Variants in NEGR1 observed in about 807,000 individuals in gnomAD.
NEGR1 encodes the protein neuronal growth regulator 1, also known as IgLON family member 4.
In NEGR1, 10 loss-of-function variants were observed where a neutral mutation model predicts 40.9. The ratio of observed to expected loss-of-function variants is 0.24; its 90% CI spans 0.15 to 0.42. The LOEUF (loss-of-function observed/expected upper bound fraction) is 0.42, where lower values mean the gene tolerates loss of function less well. NEGR1 is among the 10% of genes least tolerant of loss of function. NEGR1 has a pLI of 1.00. For missense variants in NEGR1, 352 were observed against 438.9 expected (o/e 0.80, Z 1.77); for synonymous variants, 185 against 166.8 (o/e 1.11, Z -0.84).
intron 4 of NEGR1, among the ~76,000 whole-genome samples, chr1:71,637,718 AAG>A (rs1439301917): frequency 1.3e-5 from 2 of 151,946 alleles, no homozygotes; most frequent in African/African-American, 4.8e-5. Context: ...AAAGTATAAA[AAG>A]AAAAGAAAGA....
At chr1:72,041,544 C>T (rs1160196566) in intron 1 of NEGR1, among the ~76,000 whole-genome samples, 1 of 150,492 alleles carries the variant, frequency 6.6e-6, no homozygotes, top group Non-Finnish European at 1.5e-5. Context: ...TTAACAACTG[C>T]ACCCCCACAA....
At chr1:72,140,710 T>C in intron 1 of NEGR1, among the ~76,000 whole-genome samples, 1 of 152,202 alleles carries the variant, frequency 6.6e-6, no homozygotes, top group South Asian at 2.1e-4. Context: ...TCATGTAAAC[T>C]AAAATATATT....
chr1:71,759,627 T>TTTTTTTTTTTTTTA, intron 3 of NEGR1, among the ~76,000 whole-genome samples: 1 of 117,756 alleles, frequency 8.5e-6, no homozygotes, highest in African/African-American at 3.1e-5. Context: ...TTTTTTTTTT[T>TTTTTTTTTTTTTTA]GAGACGGAGT....
chr1:72,270,912 T>C (rs891777675), intron 1 of NEGR1, among the ~76,000 whole-genome samples: 1 of 151,858 alleles, frequency 6.6e-6, no homozygotes, highest in African/African-American at 2.4e-5. Context: ...AATTTCAAAG[T>C]GAGATTAGCA....
At chr1:71,775,865 A>C (rs539133135) in intron 3 of NEGR1, among the ~76,000 whole-genome samples, 1 of 151,418 alleles carries the variant, frequency 6.6e-6, no homozygotes, top group South Asian at 2.1e-4. Context: ...TGGTGGTGCA[A>C]TCCTGTAATC....
chr1:71,444,626 G>A lies in NEGR1; in HGVS notation c.941-37056C>T, dbSNP rs181709743. Among the ~76,000 whole-genome samples the A allele has an allele frequency of 4.3e-4, 66 of 152,184 alleles. 1 individual carries two copies. Among genetic ancestry groups the A allele is most frequent in the South Asian group, 3.3e-3 (16 of 4,824 alleles). The stretch of plus-strand genomic sequence containing the variant: ...GTTTATTTATTTACATATTTTCTGT[G>A]GCTACTTTTCTGCTACTGCTGCAAA... On this transcript the variant is annotated intron_variant, in intron 6 of 6. Coordinates refer to ENST00000357731, the MANE Select transcript of NEGR1 (RefSeq NM_173808.3).
intron 3 of NEGR1, among the ~76,000 whole-genome samples, chr1:71,756,319 T>C (rs17091720): frequency 0.03 from 4,476 of 150,990 alleles, 216 homozygotes; most frequent in African/African-American, 0.1. Context: ...AGGGCAACTG[T>C]ATACTGTGGA....
intron 1 of NEGR1, among the ~76,000 whole-genome samples, chr1:72,006,928 A>C (rs1646612866): frequency 6.6e-6 from 1 of 152,088 alleles, no homozygotes; most frequent in South Asian, 2.1e-4. Context: ...AAAGTGAGAG[A>C]TCACGGTCAA....
chr1:72,134,744 A>G (rs1265771053), intron 1 of NEGR1, among the ~76,000 whole-genome samples: 2 of 148,862 alleles, frequency 1.3e-5, no homozygotes, highest in South Asian at 2.1e-4. Context: ...TTATTTATTC[A>G]TTTATTTTTT....
chr1:71,715,189 T>C (rs926430055), intron 3 of NEGR1, among the ~76,000 whole-genome samples: 4 of 152,126 alleles, frequency 2.6e-5, no homozygotes, highest in African/African-American at 9.7e-5. Context: ...ATTGATCCCT[T>C]TCAGTCGTGG....
chr1:71,498,380 G>A (rs909158744), intron 6 of NEGR1, among the ~76,000 whole-genome samples: 8 of 151,772 alleles, frequency 5.3e-5, no homozygotes, highest in South Asian at 2.1e-4. Flanking sequence ...CAGAAAAGCC[G>A]GGTTTCCAAT....
intron 6 of NEGR1, among the ~76,000 whole-genome samples, chr1:71,445,431 C>T (rs1327953874): frequency 6.6e-6 from 1 of 150,994 alleles, no homozygotes; most frequent in Non-Finnish European, 1.5e-5. Context: ...AAAAAAAACT[C>T]CAAATATTGT....
intron 6 of NEGR1, among the ~76,000 whole-genome samples, chr1:71,434,905 A>G (rs532916969): frequency 6.6e-6 from 1 of 152,066 alleles, no homozygotes; most frequent in Admixed American, 6.5e-5. Context: ...TCCTGGCTAA[A>G]ACGGTGAAAC....
intron 2 of NEGR1, among the ~76,000 whole-genome samples, chr1:71,821,598 C>T (rs1557665536): frequency 6.6e-6 from 1 of 151,974 alleles, no homozygotes; most frequent in Admixed American, 6.6e-5. Context: ...AGCCCCACCA[C>T]TTGGACCACG....
At chr1:71,978,776 T>C (rs1437458354) in intron 1 of NEGR1, among the ~76,000 whole-genome samples, 2 of 152,058 alleles carry the variant, frequency 1.3e-5, no homozygotes, top group East Asian at 3.9e-4. Flanking sequence ...TAGTTCAACC[T>C]TTGTGGAATG....
At chr1:71,939,239 T>G (rs192941295) in intron 1 of NEGR1, among the ~76,000 whole-genome samples, 21 of 152,290 alleles carry the variant, frequency 1.4e-4, no homozygotes, top group Middle Eastern at 6.8e-3. Context: ...AATGACCTAA[T>G]GTATTAAACA....
At chr1:71,940,745 G>A (rs1173269777) in intron 1 of NEGR1, among the ~76,000 whole-genome samples, 2 of 152,132 alleles carry the variant, frequency 1.3e-5, no homozygotes, top group African/African-American at 4.8e-5. Flanking sequence ...ACTAACTCCT[G>A]TGGTGATTAA....
chr1:72,221,909 C>A (rs534141718), intron 1 of NEGR1, among the ~76,000 whole-genome samples: 1 of 152,230 alleles, frequency 6.6e-6, no homozygotes, highest in South Asian at 2.1e-4. Context: ...CAGGCTGCTC[C>A]AACATAAAGC....
intron 2 of NEGR1, among the ~76,000 whole-genome samples, chr1:71,843,592 G>C (rs933751627): frequency 1.3e-5 from 2 of 152,044 alleles, no homozygotes; most frequent in Admixed American, 1.3e-4. Context: ...TGAAACTTAA[G>C]TTACATTCTG....
Sources: gnomAD v4.1 joint callset for allele counts (sites outside exome capture counted in the v4.1 genomes callset) on GRCh38, gnomAD v4.1.1 for gene constraint, MANE v1.5 for transcripts, NCBI Gene and HGNC (gene_info 2026-07-23, HGNC 2026-07-21) for gene names.